Variants in QKI observed in about 807,000 individuals in gnomAD.
QKI encodes the protein QKI, KH domain containing RNA binding.
Under a neutral mutation model 39.0 loss-of-function variants are expected in QKI, and 10 were observed. The observed-to-expected ratio is 0.26, with a 90% CI of 0.16 to 0.43. The LOEUF is 0.43. QKI is among the 20% of genes least tolerant of loss of function. The pLI is 1.00. For synonymous variants in QKI, 204 were observed against 155.4 expected, an observed-to-expected ratio of 1.31 and a Z score of -2.33; for missense variants, 218 against 428.0, an observed-to-expected ratio of 0.51 and a Z score of 4.33.
At chr6:163,467,604 G>C (rs1372338720) in intron 2 of QKI, among the ~76,000 whole-genome samples, 1 of 152,082 alleles carries the variant, frequency 6.6e-6, no homozygotes, top group African/African-American at 2.4e-5. Flanking sequence ...GTTTATAAAG[G>C]CCTAATATGT....
chr6:163,546,746 G>C (rs914637071), intron 4 of QKI, among the ~76,000 whole-genome samples: 2 of 151,920 alleles, frequency 1.3e-5, no homozygotes, highest in African/African-American at 4.8e-5. Context: ...GCTTTTGGTA[G>C]CTCATTATAG....
chr6:163,480,363 C>A (rs141877403), intron 3 of QKI, among the ~76,000 whole-genome samples: 3 of 151,946 alleles, frequency 2.0e-5, no homozygotes, highest in African/African-American at 7.3e-5. Context: ...TAGACCAGTA[C>A]GCTGAATCGC....
chr6:163,537,674 T>A (rs560075365), intron 4 of QKI, among the ~76,000 whole-genome samples: 72 of 152,222 alleles, frequency 4.7e-4, no homozygotes, highest in Non-Finnish European at 7.6e-4. Flanking sequence ...TAGTTTAGAC[T>A]TTTTAACTTG....
intron 1 of QKI, among the ~76,000 whole-genome samples, chr6:163,433,778 G>A (rs943183566): frequency 6.6e-6 from 1 of 151,726 alleles, no homozygotes; most frequent in African/African-American, 2.4e-5. Flanking sequence ...AAAAAAAAAA[G>A]AATGAACCAC....
At chr6:163,511,751 T>G (rs1779493316) in intron 3 of QKI, among the ~76,000 whole-genome samples, 1 of 151,768 alleles carries the variant, frequency 6.6e-6, no homozygotes, top group Admixed American at 6.6e-5. Flanking sequence ...ACTAATAAAT[T>G]TTATCAAACT....
chr6:163,574,574 A>C lies in QKI; in HGVS notation c.*3864A>C, dbSNP rs1783878515. On this transcript the variant is annotated 3_prime_UTR_variant, in exon 8 of 8. Transcript: ENST00000361752. ...TTAAACAAGAAGTTTAAGGGGGAATAACATTGGGATTTGAAAAGTTGTATG... is the reference window on the plus strand; with the variant it reads ...TTAAACAAGAAGTTTAAGGGGGAATCACATTGGGATTTGAAAAGTTGTATG... The C allele has an allele frequency of 6.6e-6, 1 of 152,216 alleles. No individual in the cohort carries two copies. Among genetic ancestry groups the C allele is most frequent in the Non-Finnish European group, 1.5e-5 (1 of 68,032 alleles). 9.4% of individuals were successfully genotyped at this position (152,216 alleles called of 1,614,324 possible). A position where few individuals can be genotyped will look rare whatever the true frequency, so the allele number is the denominator to read the frequency against.
At chr6:163,534,550 T>C (rs1036516224) in intron 3 of QKI, among the ~76,000 whole-genome samples, 1 of 152,238 alleles carries the variant, frequency 6.6e-6, no homozygotes. Flanking sequence ...CATTGAGAGG[T>C]GACCCCCTTA....
chr6:163,444,853 C>T (rs1299274796), intron 1 of QKI, among the ~76,000 whole-genome samples: 1 of 151,866 alleles, frequency 6.6e-6, no homozygotes, highest in Non-Finnish European at 1.5e-5. Flanking sequence ...CACATTATTT[C>T]CCCCCTTCCC....
chr6:163,479,010 G>T lies in QKI; in HGVS notation c.402+114G>T, dbSNP rs185926043. 545 of 857,914 alleles carry T rather than the reference G, an allele frequency of 6.4e-4. 2 individuals are homozygous for T. In the African/African-American group the frequency reaches 8.7e-3, roughly 14 times the overall value. 53.1% of individuals were successfully genotyped at this position (857,914 alleles called of 1,614,324 possible). ...CTTAAAACACTATATTCCAGGCCGG[G>T]CGCGGTGGCTCACGCCTGTAATCCC... On this transcript the variant is annotated intron_variant, in intron 3 of 7. Transcript: ENST00000361752.
intron 7 of QKI, chr6:163,567,366 G>A (rs983390471): frequency 5.1e-6 from 5 of 984,720 alleles, no homozygotes; most frequent in Non-Finnish European, 6.0e-6. Context: ...CATGTAGTTG[G>A]ATTTTTTTAT....
At chr6:163,561,807 CAG>C (rs1783033651) in intron 4 of QKI, among the ~76,000 whole-genome samples, 173 bp from the exon 5 acceptor site, 2 of 152,086 alleles carry the variant, frequency 1.3e-5, no homozygotes, top group African/African-American at 4.8e-5. Context: ...ACTGAGAAAA[CAG>C]AGAAAGCAGG....
chr6:163,484,963 T>C (rs1460750703), intron 3 of QKI, among the ~76,000 whole-genome samples: 3 of 152,196 alleles, frequency 2.0e-5, no homozygotes, highest in Admixed American at 6.5e-5. Flanking sequence ...AAAAATGCAG[T>C]ATATGTGAAG....
At chr6:163,466,127 C>CA (rs36094925) in intron 2 of QKI, among the ~76,000 whole-genome samples, 865 of 84,264 alleles carry the variant, frequency 0.01, 1 homozygote, top group Non-Finnish European at 0.011. Flanking sequence ...AACTCCATCT[C>CA]AAAAAAAAAA....
chr6:163,432,676 T>C (rs575681722), intron 1 of QKI, among the ~76,000 whole-genome samples: 1 of 152,112 alleles, frequency 6.6e-6, no homozygotes, highest in South Asian at 2.1e-4. Flanking sequence ...TAATTTAAAA[T>C]GTTTTGTTAA....
At chr6:163,438,484 T>C (rs1374447082) in intron 1 of QKI, among the ~76,000 whole-genome samples, 1 of 152,198 alleles carries the variant, frequency 6.6e-6, no homozygotes, top group African/African-American at 2.4e-5. Flanking sequence ...ATCTAGATGG[T>C]ATAGCCTACT....
At chr6:163,544,853 GAA>G (rs932277364) in intron 4 of QKI, among the ~76,000 whole-genome samples, 2 of 152,070 alleles carry the variant, frequency 1.3e-5, no homozygotes, top group African/African-American at 4.8e-5. Context: ...ATTCAGGTGA[GAA>G]AGAGTAAAAT....
At chr6:163,456,539 A>G (rs1198096982) in intron 2 of QKI, among the ~76,000 whole-genome samples, 2 of 152,204 alleles carry the variant, frequency 1.3e-5, no homozygotes, top group Admixed American at 6.5e-5. Flanking sequence ...CTTTAGTTAT[A>G]TGGACAGAAT....
chr6:163,523,331 A>G (rs1023590323), intron 3 of QKI, among the ~76,000 whole-genome samples: 5 of 152,264 alleles, frequency 3.3e-5, no homozygotes, highest in East Asian at 1.9e-4. Context: ...AGAAAGCACC[A>G]TATGGCTTAG....
At chr6:163,555,551 C>G (rs1306563639) in intron 4 of QKI, among the ~76,000 whole-genome samples, 4 of 137,444 alleles carry the variant, frequency 2.9e-5, no homozygotes, top group Non-Finnish European at 6.2e-5. Context: ...TGAGAGAAAA[C>G]GATGATCTGT....
Sources: allele counts gnomAD v4.1 joint callset (sites outside exome capture counted in the v4.1 genomes callset), GRCh38; gene constraint gnomAD v4.1.1; transcripts MANE v1.5; gene names NCBI Gene and HGNC (gene_info 2026-07-23, HGNC 2026-07-21).